Variants in CDH13 observed in about 807,000 individuals in gnomAD.
CDH13 encodes the protein cadherin-13.
In CDH13, 24 loss-of-function variants were observed where a neutral mutation model predicts 63.8. The observed-to-expected ratio is 0.38, with a 90% CI of 0.27 to 0.53. The LOEUF (loss-of-function observed/expected upper bound fraction) is 0.53. Among genes scored for constraint, CDH13 ranks in the 20% least tolerant of loss-of-function variants. The probability of loss-of-function intolerance (pLI) is 0.85; values close to 1 mark genes in which losing one functional copy is unlikely to be tolerated. For synonymous variants in CDH13, 503 were observed against 355.3 expected, an observed-to-expected ratio of 1.42 and a Z score of -4.67; for missense variants, 1,049 against 903.1, an observed-to-expected ratio of 1.16 and a Z score of -2.07.
intron 6 of CDH13, among the ~76,000 whole-genome samples, chr16:83,446,931 ATTGAT>A (rs2072706313): frequency 1.3e-5 from 2 of 151,464 alleles, no homozygotes; most frequent in African/African-American, 4.8e-5. Flanking sequence ...AAGCTGAACC[ATTGAT>A]TTATTTCCTT....
chr16:83,478,909 A>T (rs1393466535), intron 6 of CDH13, among the ~76,000 whole-genome samples: 1 of 152,194 alleles, frequency 6.6e-6, no homozygotes, highest in Non-Finnish European at 1.5e-5. Flanking sequence ...CATCCCCTCA[A>T]ATGAAAATAA....
intron 4 of CDH13, among the ~76,000 whole-genome samples, chr16:83,191,020 TAATC>T (rs984449908): frequency 8.6e-5 from 13 of 151,838 alleles, no homozygotes; most frequent in Admixed American, 3.9e-4. Flanking sequence ...TTTTTGCAAA[TAATC>T]AATCAAATTG....
At chr16:82,813,795 C>G (rs1198277622) in intron 1 of CDH13, among the ~76,000 whole-genome samples, 2 of 152,166 alleles carry the variant, frequency 1.3e-5, no homozygotes, top group Non-Finnish European at 2.9e-5. Context: ...ACTAACTGTG[C>G]CATTTTGGCG....
chr16:82,793,651 C>T (rs185970001), intron 1 of CDH13, among the ~76,000 whole-genome samples: 2 of 152,260 alleles, frequency 1.3e-5, no homozygotes, highest in African/African-American at 4.8e-5. Context: ...ACAGAGCAAA[C>T]CCTGGTATCA....
At chr16:82,929,303 T>C (rs541527303) in intron 2 of CDH13, among the ~76,000 whole-genome samples, 2 of 152,130 alleles carry the variant, frequency 1.3e-5, no homozygotes, top group Non-Finnish European at 2.9e-5. Flanking sequence ...ATGAGATTAG[T>C]GTCTTTATAA....
At chr16:83,636,410 A>T (rs754377927) in intron 8 of CDH13, among the ~76,000 whole-genome samples, 1 of 152,090 alleles carries the variant, frequency 6.6e-6, no homozygotes, top group East Asian at 1.9e-4. Flanking sequence ...TAGCACCCAA[A>T]TTGGTAGTTT....
intron 6 of CDH13, among the ~76,000 whole-genome samples, chr16:83,353,103 A>T (rs554700011): frequency 1.3e-5 from 2 of 152,336 alleles, no homozygotes; most frequent in South Asian, 4.1e-4. Flanking sequence ...AACGTGTGAG[A>T]AATTGCTTAA....
At position 82,994,636 on chromosome 16, in the gene CDH13, T is replaced by A. The variant is rs552238298; in HGVS notation, c.158-37374T>A. Among the ~76,000 whole-genome samples, 3 of 152,334 alleles carry A rather than the reference T, an allele frequency of 2.0e-5. No individual in the cohort carries two copies. The South Asian group carries it at 6.2e-4, about 32-fold the overall frequency. On this transcript the variant is annotated intron_variant, in intron 2 of 13. Coordinates refer to ENST00000567109, the MANE Select transcript of CDH13 (RefSeq NM_001257.5). ...CACTTATTTTCCCTCTTTTTAAAAATTAATCAAGTTCTTTGTAAGGAAGAA... is the reference window on the plus strand; with the variant it reads ...CACTTATTTTCCCTCTTTTTAAAAAATAATCAAGTTCTTTGTAAGGAAGAA...
At chr16:82,923,706 C>G (rs573432266) in intron 2 of CDH13, among the ~76,000 whole-genome samples, 2 of 152,220 alleles carry the variant, frequency 1.3e-5, no homozygotes, top group African/African-American at 2.4e-5. Context: ...CAGAACACAG[C>G]TGATACATGC....
chr16:83,329,195 G>A (rs1312894062), intron 5 of CDH13, among the ~76,000 whole-genome samples: 1 of 152,092 alleles, frequency 6.6e-6, no homozygotes, highest in Non-Finnish European at 1.5e-5. Flanking sequence ...GTTTTCAGAT[G>A]AATCCCATGC....
At chr16:82,877,924 G>GAGACAC (rs1440008696) in intron 2 of CDH13, among the ~76,000 whole-genome samples, 1 of 129,288 alleles carries the variant, frequency 7.7e-6, no homozygotes, top group Non-Finnish European at 1.6e-5. Context: ...CATACACATA[G>GAGACAC]ACACACACAC....
intron 6 of CDH13, among the ~76,000 whole-genome samples, chr16:83,465,426 G>A (rs1016420734): frequency 1.8e-4 from 28 of 152,330 alleles, no homozygotes; most frequent in African/African-American, 6.5e-4. Context: ...CTCTTTTGAA[G>A]CACTCTGTCC....
rs189669177 is a variant in CDH13, at chr16:83,331,121, G to A, written c.637-13741G>A. 5.0e-4 allele frequency among the ~76,000 whole-genome samples: 76 copies of A among 152,302 alleles called. 1 individual carries two copies. The highest frequency in any genetic ancestry group is 5.0e-3 in the Admixed American group (76 of 15,296). On this transcript the variant is annotated intron_variant, in intron 5 of 13. Coordinates refer to ENST00000567109, the MANE Select transcript of CDH13 (RefSeq NM_001257.5). ...GAGTACCTTAAACAATCACACAGCTGATAAGGGACGGACTTGGGCCTTAAA... is the reference window on the plus strand; with the variant it reads ...GAGTACCTTAAACAATCACACAGCTAATAAGGGACGGACTTGGGCCTTAAA...
At chr16:83,441,395 T>A (rs1321012634) in intron 6 of CDH13, among the ~76,000 whole-genome samples, 1 of 152,266 alleles carries the variant, frequency 6.6e-6, no homozygotes, top group Admixed American at 6.5e-5. Context: ...AATCTATATC[T>A]ATGTTAAATG....
rs367671451 is a variant in CDH13 at position 82,780,358 on chromosome 16, C to T, written c.46-78004C>T. On this transcript the variant is annotated intron_variant, in intron 1 of 13. Coordinates refer to ENST00000567109, the MANE Select transcript of CDH13 (RefSeq NM_001257.5). ...CTCCCTTGCTCTCTGATAAAAGGTG[C>T]GGCAAACAGGGTAGAAATGACTGCA... Among the ~76,000 whole-genome samples the T allele has an allele frequency of 5.1e-4, 78 of 152,172 alleles. 2 individuals are homozygous for T. The highest frequency in any genetic ancestry group is 1.9e-3 in the East Asian group (10 of 5,174).
At chr16:83,304,543 A>G (rs1156764324) in intron 5 of CDH13, among the ~76,000 whole-genome samples, 2 of 152,222 alleles carry the variant, frequency 1.3e-5, no homozygotes, top group Non-Finnish European at 2.9e-5. Context: ...TAGTTAATAC[A>G]GAATGACTAT....
chr16:83,636,010 A>C (rs1254492391), intron 8 of CDH13, among the ~76,000 whole-genome samples: 1 of 151,940 alleles, frequency 6.6e-6, no homozygotes, highest in Non-Finnish European at 1.5e-5. Flanking sequence ...GGTTGAGTTC[A>C]TTTATCTGCC....
At chr16:82,752,515 T>C (rs943975178) in intron 1 of CDH13, among the ~76,000 whole-genome samples, 2 of 152,240 alleles carry the variant, frequency 1.3e-5, no homozygotes, top group Admixed American at 6.5e-5. Flanking sequence ...TTGAGGCAAG[T>C]CTAAACTGAC....
chr16:83,668,195 G>T (rs1431785867), intron 8 of CDH13, among the ~76,000 whole-genome samples: 1 of 152,068 alleles, frequency 6.6e-6, no homozygotes, highest in Non-Finnish European at 1.5e-5. Flanking sequence ...ATTCCCTCAG[G>T]CCTCACCTCT....
Sources: allele counts gnomAD v4.1 joint callset (sites outside exome capture counted in the v4.1 genomes callset), GRCh38; gene constraint gnomAD v4.1.1; transcripts MANE v1.5; gene names NCBI Gene and HGNC (gene_info 2026-07-23, HGNC 2026-07-21).